FRMPD4: variants seen among roughly 807,000 people sequenced by gnomAD.
The protein encoded by FRMPD4 is FERM and PDZ domain containing 4.
In FRMPD4, 22 loss-of-function variants were observed where a neutral mutation model predicts 94.1. The observed-to-expected ratio is 0.23, with a 90% CI of 0.17 to 0.33. FRMPD4 has a LOEUF of 0.33. Ranked by LOEUF, FRMPD4 falls within the 10% of genes least tolerant of loss-of-function variation. The pLI, the probability that FRMPD4 is intolerant of heterozygous loss-of-function variation, is 1.00. For synonymous variants in FRMPD4, 631 were observed against 548.6 expected, an observed-to-expected ratio of 1.15 and a Z score of -2.10; for missense variants, 1,111 against 1,339.9, an observed-to-expected ratio of 0.83 and a Z score of 2.67.
At chrX:12,283,536 A>G (rs184542022) in intron 1 of FRMPD4, among the ~76,000 whole-genome samples, 2 of 111,738 alleles carry the variant, frequency 1.8e-5, no homozygotes, top group East Asian at 2.8e-4. Context: ...TCTAACAAAC[A>G]TTTCGTTTTA....
intron 1 of FRMPD4, among the ~76,000 whole-genome samples, chrX:11,837,791 GTAAT>G (rs775379642): frequency 8.9e-6 from 1 of 111,906 alleles, no homozygotes; most frequent in African/African-American, 3.2e-5. Flanking sequence ...TACAAGCTGA[GTAAT>G]TAATAAGTAG....
chrX:12,087,433 G>C (rs2055119896), intron 3 of FRMPD4, among the ~76,000 whole-genome samples: 1 of 111,710 alleles, frequency 9.0e-6, no homozygotes, highest in Admixed American at 9.5e-5. Context: ...AGAATTCCTT[G>C]CTCTTTGTTG....
intron 1 of FRMPD4, among the ~76,000 whole-genome samples, chrX:12,476,139 G>C (rs1393647095): frequency 1.8e-5 from 2 of 111,489 alleles, no homozygotes; most frequent in African/African-American, 3.3e-5. Context: ...GAACAGAACA[G>C]AGCCCTCAGA....
intron 1 of FRMPD4, among the ~76,000 whole-genome samples, chrX:11,839,408 A>C (rs1181920478): frequency 9.0e-6 from 1 of 111,327 alleles, no homozygotes; most frequent in Non-Finnish European, 1.9e-5. Flanking sequence ...TGAAGTGCCT[A>C]TTTAAGTCTT....
At chrX:12,166,630 C>T (rs1181116714) in intron 1 of FRMPD4, among the ~76,000 whole-genome samples, 1 of 111,347 alleles carries the variant, frequency 9.0e-6, no homozygotes, top group Non-Finnish European at 1.9e-5. Context: ...GGAATGGTAC[C>T]AGCTCCTCCT....
At chrX:12,281,660 C>T (rs922417015) in intron 1 of FRMPD4, among the ~76,000 whole-genome samples, 14 of 111,849 alleles carry the variant, frequency 1.3e-4, no homozygotes, top group African/African-American at 4.2e-4. Context: ...CAGGTGTGAG[C>T]CACTGTGCCT....
chrX:12,484,797 T>G (rs2057722773), intron 1 of FRMPD4, among the ~76,000 whole-genome samples: 1 of 111,963 alleles, frequency 8.9e-6, no homozygotes, highest in South Asian at 3.7e-4. Flanking sequence ...ACACAGTAAA[T>G]GAAGCCACAT....
At chrX:12,305,725 G>GTTTTTTTTTTTCTTT (rs2054927706) in intron 1 of FRMPD4, among the ~76,000 whole-genome samples, 1 of 59,721 alleles carries the variant, frequency 1.7e-5, no homozygotes, top group Admixed American at 2.8e-4. Flanking sequence ...AGCTGGCTAA[G>GTTTTTTTTTTTCTTT]TTTTTTTTTT....
At chrX:12,285,590 G>A (rs968756268) in intron 1 of FRMPD4, among the ~76,000 whole-genome samples, 2 of 111,705 alleles carry the variant, frequency 1.8e-5, no homozygotes, top group Admixed American at 9.5e-5. Context: ...CTTGTAGGCA[G>A]GGATATAAAG....
intron 4 of FRMPD4, among the ~76,000 whole-genome samples, chrX:12,627,079 C>A (rs777799935): frequency 9.0e-6 from 1 of 110,643 alleles, no homozygotes; most frequent in South Asian, 3.9e-4. Context: ...AGTTCCAGAC[C>A]AGCCTGGCCA....
In FRMPD4 at chrX:12,467,069, G is replaced by C. The variant is rs998164650; in HGVS notation, c.42-31611G>C. The stretch of plus-strand genomic sequence containing the variant: ...GTGTCTGCTATATGAGTGCATGCTT[G>C]CTTGCTCAGAAATACTAATTATGCT... On this transcript the variant is annotated intron_variant, in intron 1 of 16. Transcript: ENST00000675598. 3.6e-5 allele frequency among the ~76,000 whole-genome samples: 4 copies of C among 110,698 alleles called. No individual in the cohort carries two copies. In the South Asian group the frequency reaches 1.1e-3, roughly 32 times the overall value.
At chrX:12,558,572 ATC>A (rs1325983829) in intron 2 of FRMPD4, among the ~76,000 whole-genome samples, 2 of 112,613 alleles carry the variant, frequency 1.8e-5, no homozygotes, top group Non-Finnish European at 3.7e-5. Flanking sequence ...GCTAAATGAT[ATC>A]TGTTACAGCA....
At chrX:11,920,192 GA>G (rs35768091) in intron 3 of FRMPD4, among the ~76,000 whole-genome samples, 2 of 111,831 alleles carry the variant, frequency 1.8e-5, no homozygotes, top group African/African-American at 6.5e-5. Context: ...AAATAAGGGG[GA>G]AAAAAGCCCA....
At chrX:12,704,938 G>C (rs1020875091) in intron 11 of FRMPD4, among the ~76,000 whole-genome samples, 1 of 112,360 alleles carries the variant, frequency 8.9e-6, no homozygotes, top group African/African-American at 3.2e-5. Context: ...TTTGGGAACA[G>C]ATCATTCTTT....
chrX:12,320,828 G>A (rs1337352796), intron 1 of FRMPD4, among the ~76,000 whole-genome samples: 1 of 111,375 alleles, frequency 9.0e-6, no homozygotes, highest in East Asian at 2.8e-4. Context: ...TTAATCAACT[G>A]TACCTGGAAA....
intron 4 of FRMPD4, among the ~76,000 whole-genome samples, chrX:12,631,441 A>T (rs933298805): frequency 8.9e-6 from 1 of 111,973 alleles, no homozygotes; most frequent in African/African-American, 3.2e-5. Context: ...CATGTGCAGA[A>T]TGTGCAGCTT....
At chrX:12,032,494 G>T (rs2054697980) in intron 3 of FRMPD4, among the ~76,000 whole-genome samples, 1 of 112,328 alleles carries the variant, frequency 8.9e-6, no homozygotes, top group Non-Finnish European at 1.9e-5. Flanking sequence ...GGAATCATTT[G>T]CCCTTAAAGG....
At chrX:12,060,236 T>C (rs2054877313) in intron 3 of FRMPD4, among the ~76,000 whole-genome samples, 3 of 108,944 alleles carry the variant, frequency 2.8e-5, no homozygotes, top group Admixed American at 9.9e-5. Context: ...GTATAAACGT[T>C]CCCTTTTCTC....
intron 2 of FRMPD4, among the ~76,000 whole-genome samples, chrX:12,544,446 C>T (rs886871847): frequency 2.7e-5 from 3 of 111,573 alleles, no homozygotes; most frequent in African/African-American, 9.8e-5. Flanking sequence ...GTGCAGATGC[C>T]TTAACCAGGA....
Sources: gnomAD v4.1 joint callset for allele counts (sites outside exome capture counted in the v4.1 genomes callset) on GRCh38, gnomAD v4.1.1 for gene constraint, MANE v1.5 for transcripts, NCBI Gene and HGNC (gene_info 2026-07-23, HGNC 2026-07-21) for gene names.